TTC6: variants seen among roughly 807,000 people sequenced by gnomAD.
TTC6 encodes the protein tetratricopeptide repeat protein 6.
TTC6 carries 172 observed loss-of-function variants against 210.4 expected under a neutral mutation model. The observed-to-expected ratio is 0.82, with a 90% CI of 0.72 to 0.93. The LOEUF (loss-of-function observed/expected upper bound fraction) is 0.93. Ranked by LOEUF, TTC6 falls within the 40% of genes least tolerant of loss-of-function variation. The probability of loss-of-function intolerance (pLI) is 0.00; values close to 1 mark genes in which losing one functional copy is unlikely to be tolerated. For synonymous variants in TTC6, 804 were observed against 819.6 expected, an observed-to-expected ratio of 0.98 and a Z score of 0.32; for missense variants, 2,414 against 2,318.1, an observed-to-expected ratio of 1.04 and a Z score of -0.85.
intron 3 of TTC6, among the ~76,000 whole-genome samples, chr14:37,687,850 C>T (rs533229763): frequency 3.5e-4 from 53 of 152,180 alleles, no homozygotes; most frequent in South Asian, 6.2e-4. Flanking sequence ...TGGTCTCAGG[C>T]GAGACTCGGC....
At chr14:37,622,426 A>T (rs1446520623) in exon 1 of TTC6, 24 of 1,534,614 alleles carry the variant, frequency 1.6e-5, no homozygotes, top group Non-Finnish European at 2.1e-5. Flanking sequence ...CGGGACTTTT[A>T]CTTGCGGAGC....
At chr14:37,810,279 G>A (rs1357372839) in intron 24 of TTC6, among the ~76,000 whole-genome samples, 3 of 152,284 alleles carry the variant, frequency 2.0e-5, no homozygotes, top group Middle Eastern at 3.4e-3. Context: ...CATTCCTGCC[G>A]GAAAGGTAAC....
exon 1 of TTC6, chr14:37,622,762 A>C: frequency 2.0e-6 from 3 of 1,534,982 alleles, no homozygotes; most frequent in Non-Finnish European, 2.6e-6. Flanking sequence ...TTCGTGAGCG[A>C]GAGCGGGGCC....
chr14:37,820,502 A>G (rs1056016000), intron 26 of TTC6, among the ~76,000 whole-genome samples: 4 of 152,236 alleles, frequency 2.6e-5, no homozygotes, highest in African/African-American at 9.6e-5. Flanking sequence ...TAGGCTATAC[A>G]GAAGGCAAGA....
At chr14:37,690,923 C>A (rs915222592) in intron 3 of TTC6, among the ~76,000 whole-genome samples, 3 of 152,198 alleles carry the variant, frequency 2.0e-5, no homozygotes, top group East Asian at 3.9e-4. Context: ...AATACACATT[C>A]TTTTCCTTAG....
intron 7 of TTC6, among the ~76,000 whole-genome samples, chr14:37,733,539 C>T (rs1466021198): frequency 6.6e-6 from 1 of 152,030 alleles, no homozygotes; most frequent in Non-Finnish European, 1.5e-5. Context: ...AATGATGTTC[C>T]ATTATTTTCT....
At chr14:37,781,962 C>T (rs2096056097) in intron 14 of TTC6, among the ~76,000 whole-genome samples, 1 of 152,104 alleles carries the variant, frequency 6.6e-6, no homozygotes, top group Admixed American at 6.5e-5. Context: ...TTTCTGAGGG[C>T]TCTGTTCTGT....
intron 14 of TTC6, among the ~76,000 whole-genome samples, chr14:37,755,542 A>G (rs1163101299): frequency 2.0e-5 from 3 of 151,992 alleles, no homozygotes; most frequent in South Asian, 2.1e-4. Flanking sequence ...TTCCATCTTG[A>G]GTTAATTTTT....
intron 14 of TTC6, among the ~76,000 whole-genome samples, chr14:37,781,782 C>A (rs1385983206): frequency 6.6e-6 from 1 of 152,102 alleles, no homozygotes; most frequent in Non-Finnish European, 1.5e-5. Context: ...AGTCTTTAAT[C>A]CATCTTGAGT....
chr14:37,810,517 G>A (rs1418729644), intron 24 of TTC6, among the ~76,000 whole-genome samples: 1 of 152,150 alleles, frequency 6.6e-6, no homozygotes, highest in African/African-American at 2.4e-5. Flanking sequence ...AGTAGGGAGA[G>A]GTTTGAAAAC....
rs921667630 is a variant in TTC6, at chr14:37,598,826, C to T, written c.-235+2818C>T. Among the ~76,000 whole-genome samples, 1 of 152,182 alleles carries T rather than the reference C, an allele frequency of 6.6e-6. No individual in the cohort carries two copies. Among genetic ancestry groups the T allele is most frequent in the Non-Finnish European group, 1.5e-5 (1 of 68,030 alleles). On this transcript the variant is annotated intron_variant, in intron 1 of 2. Coordinates refer to the TTC6 transcript ENST00000556845. This position sits in a 1 kb window ranked among gnomAD's most constrained non-coding sequence, Gnocchi z 4.9. ...TCCCTCTGTGGCTGTCCCTCGCCTG[C>T]CCCCTTTCCTTGCCTACCCTTCCCT...
In TTC6 at chr14:37,734,306, G is replaced by A. The variant is rs543272874; in HGVS notation, c.1819-1615G>A. On this transcript the variant is annotated intron_variant, in intron 7 of 30. Coordinates refer to ENST00000553443, the Ensembl canonical transcript of TTC6. ...GGTATTCCAGTTTATATATAATTGGGATGTATTATCAGGCTCCACATCTCA... is the reference window on the plus strand; with the variant it reads ...GGTATTCCAGTTTATATATAATTGGAATGTATTATCAGGCTCCACATCTCA... Among the ~76,000 whole-genome samples the A allele has an allele frequency of 8.3e-4, 127 of 152,236 alleles. 4 individuals carry two copies. The South Asian group carries it at 0.021, about 26-fold the overall frequency.
At chr14:37,612,693 G>T (rs2095636600) in intron 2 of TTC6, among the ~76,000 whole-genome samples, 1 of 152,122 alleles carries the variant, frequency 6.6e-6, no homozygotes, top group Admixed American at 6.5e-5. Flanking sequence ...TCAGTGTAGA[G>T]ATTTTGGACA....
In TTC6 at chr14:37,659,076, A is replaced by G. The variant is rs553753537; in HGVS notation, c.940-21075A>G. 1.1e-3 allele frequency among the ~76,000 whole-genome samples: 166 copies of G among 152,266 alleles called. 2 individuals carry two copies. The Middle Eastern group carries it at 0.068, about 62-fold the overall frequency. ...TCGTTTGCTAAGGATAATGGCCTCC[A>G]GCTCCATCCATGCTCCCACAAAAGA... On this transcript the variant is annotated intron_variant, in intron 1 of 30. Coordinates refer to ENST00000553443, the Ensembl canonical transcript of TTC6.
intron 27 of TTC6, among the ~76,000 whole-genome samples, chr14:37,824,824 CAG>C (rs1422301936): frequency 6.6e-6 from 1 of 152,008 alleles, no homozygotes; most frequent in African/African-American, 2.4e-5. Context: ...ACCAGCCCAT[CAG>C]AAAGTCTTGT....
At chr14:37,619,609 A>G (rs893436852), upstream of TTC6, among the ~76,000 whole-genome samples, 3 of 152,136 alleles carry the variant, frequency 2.0e-5, no homozygotes, top group Non-Finnish European at 4.4e-5. Context: ...TTCTTTTATC[A>G]TCAATTTAAT....
intron 12 of TTC6, 81 bp downstream of exon 14, chr14:37,749,924 A>C: frequency 1.0e-6 from 1 of 979,146 alleles, no homozygotes; most frequent in Non-Finnish European, 1.3e-6. Flanking sequence ...AAGGATACAT[A>C]AATCAGTAGA....
Position 37,598,968 on chromosome 14 carries a change from T to A in TTC6, c.-235+2960T>A, listed in dbSNP as rs1230091855. Reference sequence around the variant, plus strand: ...CCAGATAAGAAGCTTAAGTCCTCCTTCTGCAGGGGAGAATCGGATGCAATG... The same window carrying A: ...CCAGATAAGAAGCTTAAGTCCTCCTACTGCAGGGGAGAATCGGATGCAATG... On this transcript the variant is annotated intron_variant, in intron 1 of 2. Coordinates refer to the TTC6 transcript ENST00000556845. The surrounding 1 kb of genome is among the most constrained non-coding windows in gnomAD (Gnocchi z 4.9). 7.7e-6 allele frequency among the ~76,000 whole-genome samples: 1 copy of A among 129,104 alleles called. No individual in the cohort carries two copies. The highest frequency in any genetic ancestry group is 1.6e-5 in the Non-Finnish European group (1 of 63,290). The allele number at this position is 129,104 out of a possible 152,430, so 84.7% of individuals were successfully genotyped here. A position where few individuals can be genotyped will look rare whatever the true frequency, so the allele number is the denominator to read the frequency against.
chr14:37,800,815 A>G (rs1468222347), intron 20 of TTC6, among the ~76,000 whole-genome samples: 1 of 152,206 alleles, frequency 6.6e-6, no homozygotes, highest in Non-Finnish European at 1.5e-5. Context: ...ATTTATAAAC[A>G]CTGACAATTT....
Sources: gnomAD v4.1 joint callset for allele counts (sites outside exome capture counted in the v4.1 genomes callset) on GRCh38, gnomAD v4.1.1 for gene constraint, Gnocchi (gnomAD v3.1) non-coding constraint, MANE v1.5 for transcripts, NCBI Gene and HGNC (gene_info 2026-07-23, HGNC 2026-07-21) for gene names.